Variants in EVI5 observed in about 807,000 individuals in gnomAD.
EVI5 encodes the protein ecotropic viral integration site 5 protein homolog.
EVI5 carries 73 observed loss-of-function variants against 112.0 expected under a neutral mutation model. The observed-to-expected ratio is 0.65, with a 90% CI of 0.54 to 0.79. EVI5 has a LOEUF of 0.79. Among genes scored for constraint, EVI5 ranks in the 30% least tolerant of loss-of-function variants. The probability of loss-of-function intolerance (pLI) is 0.00; values close to 1 mark genes in which losing one functional copy is unlikely to be tolerated. For missense variants in EVI5, 900 were observed against 968.8 expected, an observed-to-expected ratio of 0.93 and a Z score of 0.94; for synonymous variants, 305 against 319.9, an observed-to-expected ratio of 0.95 and a Z score of 0.50.
intron 10 of EVI5, among the ~76,000 whole-genome samples, chr1:92,670,147 C>T (rs926954774): frequency 1.3e-5 from 2 of 152,092 alleles, no homozygotes; most frequent in African/African-American, 4.8e-5. Flanking sequence ...ATTAATTCTA[C>T]TTTTTATAAC....
chr1:92,791,185 A>T (rs1686068338), intron 1 of EVI5, among the ~76,000 whole-genome samples: 1 of 152,214 alleles, frequency 6.6e-6, no homozygotes, highest in Non-Finnish European at 1.5e-5. Context: ...ACTTTGCAAA[A>T]TACTTGTTTT....
chr1:92,556,314 G>A (rs921602397), intron 19 of EVI5, among the ~76,000 whole-genome samples: 3 of 151,844 alleles, frequency 2.0e-5, no homozygotes, highest in African/African-American at 7.3e-5. Flanking sequence ...CACCCGCCTC[G>A]GCTTCCCAAA....
chr1:92,539,107 T>G (rs1295858492), intron 19 of EVI5, among the ~76,000 whole-genome samples: 1 of 152,202 alleles, frequency 6.6e-6, no homozygotes, highest in African/African-American at 2.4e-5. Flanking sequence ...AGCACTTATT[T>G]AGCCCTTACT....
intron 18 of EVI5, among the ~76,000 whole-genome samples, chr1:92,574,783 T>C (rs765500182): frequency 9.9e-4 from 151 of 152,174 alleles, no homozygotes; most frequent in Non-Finnish European, 2.0e-3. Context: ...CAATAAACTG[T>C]TTATAAATAA....
At chr1:92,785,397 C>G (rs1570974735), upstream of EVI5, among the ~76,000 whole-genome samples, 1 of 152,344 alleles carries the variant, frequency 6.6e-6, no homozygotes, top group Middle Eastern at 3.4e-3. Context: ...GAGCTTAGGA[C>G]TGCAGGCCTC....
At chr1:92,631,408 T>G (rs925975311) in intron 14 of EVI5, among the ~76,000 whole-genome samples, 11 of 152,314 alleles carry the variant, frequency 7.2e-5, no homozygotes, top group South Asian at 2.1e-4. Flanking sequence ...CCCTTGTAAG[T>G]TGGATTCCCA....
At chr1:92,667,801 G>C (rs773316363) in intron 10 of EVI5, among the ~76,000 whole-genome samples, 1 of 152,126 alleles carries the variant, frequency 6.6e-6, no homozygotes, top group Non-Finnish European at 1.5e-5. Context: ...ATTTTTAGTA[G>C]AGAGGGGGTT....
intron 4 of EVI5, among the ~76,000 whole-genome samples, chr1:92,703,159 T>C (rs1671457236): frequency 6.6e-6 from 1 of 152,170 alleles, no homozygotes; most frequent in Non-Finnish European, 1.5e-5. Context: ...TATGTGACTT[T>C]TAAGCTATTC....
At chr1:92,636,112 C>T (rs1455311351) in intron 14 of EVI5, 90 bp downstream of exon 14, 2 of 1,062,236 alleles carry the variant, frequency 1.9e-6, no homozygotes, top group East Asian at 2.5e-5. Context: ...TATAAAAACA[C>T]CAAGTCAATT....
intron 16 of EVI5, among the ~76,000 whole-genome samples, chr1:92,615,591 T>TCCCCAGTA (rs2101686528): frequency 6.6e-6 from 1 of 152,158 alleles, no homozygotes; most frequent in Non-Finnish European, 1.5e-5. Flanking sequence ...AACTTCCCCA[T>TCCCCAGTA]CCCCAGTAGT....
Position 92,625,854 on chromosome 1 carries a change from T to C in EVI5, c.1608A>G (p.Glu536=), listed in dbSNP as rs137964507. 5.6e-6 allele frequency: 9 copies of C among 1,612,724 alleles called. No homozygotes were observed. The Middle Eastern group carries it at 5.0e-4, about 89-fold the overall frequency. The change falls in exon 15 of 20, where the codon GAA becomes GAG. Residue 536 remains glutamate (E), a synonymous_variant. Coordinates refer to ENST00000684568, the MANE Select transcript of EVI5 (RefSeq NM_001350197.2). Reference sequence around the variant, plus strand: ...TAAGTTCTTTCAAACCCATAATGGCTTCTGCTTCTCTAAGTTTCACAGCAA... The same window carrying C: ...TAAGTTCTTTCAAACCCATAATGGCCTCTGCTTCTCTAAGTTTCACAGCAA... ...ELIAVKLREA[E]AIMGLKELRQ... is the part of the protein sequence containing the mutation.
In EVI5 at chr1:92,736,425, AGTTCTAAGTC is replaced by A. The variant is rs1214638503; in HGVS notation, c.112_121del (p.Asp38SerfsTer12). The A allele has an allele frequency of 6.2e-7, 1 of 1,612,890 alleles. No individual in the cohort carries two copies. Among genetic ancestry groups the A allele is most frequent in the East Asian group, 2.2e-5 (1 of 44,864 alleles). On this transcript the variant is annotated frameshift_variant, in exon 2 of 20. Transcript: ENST00000684568. LOFTEE classifies it high-confidence loss of function. ...ATTCTGTTCTTCCAGTTTAGCCAGG[AGTTCTAAGTC>A]GTCTGGACTCAACTGTGATGGGGAA...
chr1:92,704,751 T>C lies in EVI5; in HGVS notation c.150-7A>G, dbSNP rs1189541352. 1.4e-6 allele frequency: 2 copies of C among 1,444,814 alleles called. No homozygotes were observed. Among genetic ancestry groups the C allele is most frequent in the African/African-American group, 1.4e-5 (1 of 70,442 alleles). 89.5% of individuals were successfully genotyped at this position (1,444,814 alleles called of 1,614,324 possible). On this transcript the variant is annotated splice_region_variant and splice_polypyrimidine_tract_variant and intron_variant, in intron 2 of 19. Coordinates refer to ENST00000684568, the MANE Select transcript of EVI5 (RefSeq NM_001350197.2). Reference sequence around the variant, plus strand: ...ACTATCCGTTTCTAACAATCTAAAATATAATTAAAAACTGTTCAAGATCTA... The same window carrying C: ...ACTATCCGTTTCTAACAATCTAAAACATAATTAAAAACTGTTCAAGATCTA...
In EVI5 at chr1:92,524,046, G is replaced by A. The variant is rs922871285; in HGVS notation, c.2167-10076C>T. Reference sequence around the variant, plus strand: ...TGGGAGGTGGAGGTTGCAGTGAGCCGAGATAGCGCCACTGCACTCCAGCCT... The same window carrying A: ...TGGGAGGTGGAGGTTGCAGTGAGCCAAGATAGCGCCACTGCACTCCAGCCT... On this transcript the variant is annotated intron_variant, in intron 19 of 19. Transcript: ENST00000684568. 2.0e-5 allele frequency among the ~76,000 whole-genome samples: 3 copies of A among 149,082 alleles called. No homozygotes were observed. In the East Asian group the frequency reaches 5.9e-4, roughly 29 times the overall value.
At chr1:92,634,037 C>T (rs968054624) in intron 14 of EVI5, among the ~76,000 whole-genome samples, 1 of 152,214 alleles carries the variant, frequency 6.6e-6, no homozygotes, top group Non-Finnish European at 1.5e-5. Flanking sequence ...GTAGTTTCTG[C>T]TGAGAGATCA....
intron 1 of EVI5, among the ~76,000 whole-genome samples, chr1:92,784,042 CT>C (rs1466038039): frequency 3.3e-5 from 5 of 152,164 alleles, no homozygotes; most frequent in Non-Finnish European, 7.3e-5. Context: ...AAAGATACCA[CT>C]TCAAGAAAAT....
chr1:92,611,316 G>C (rs999305256), intron 16 of EVI5, among the ~76,000 whole-genome samples: 1 of 151,890 alleles, frequency 6.6e-6, no homozygotes, highest in African/African-American at 2.4e-5. Flanking sequence ...TATTTCAATG[G>C]CAAAAATTCA....
At chr1:92,634,515 G>T (rs1001371934) in intron 14 of EVI5, among the ~76,000 whole-genome samples, 2 of 152,126 alleles carry the variant, frequency 1.3e-5, no homozygotes, top group Non-Finnish European at 2.9e-5. Context: ...CTCGTGCCGT[G>T]GTTTTCAGCT....
intron 19 of EVI5, among the ~76,000 whole-genome samples, chr1:92,530,906 G>A (rs1662759391): frequency 6.6e-6 from 1 of 151,928 alleles, no homozygotes; most frequent in Non-Finnish European, 1.5e-5. Context: ...CTCCTTGCCA[G>A]CAAGGGAACA....
Sources: gnomAD v4.1 joint callset for allele counts (sites outside exome capture counted in the v4.1 genomes callset) on GRCh38, gnomAD v4.1.1 for gene constraint, MANE v1.5 for transcripts, NCBI Gene and HGNC (gene_info 2026-07-23, HGNC 2026-07-21) for gene names.